Variants in DYRK1A observed in about 807,000 individuals in gnomAD.
DYRK1A encodes dual specificity tyrosine-phosphorylation-regulated kinase 1A.
Under a neutral mutation model 79.7 loss-of-function variants are expected in DYRK1A, and 9 were observed. That is an observed-to-expected ratio of 0.11 (90% CI 0.07 to 0.20). The LOEUF is 0.20. Ranked by LOEUF, DYRK1A falls within the 10% of genes least tolerant of loss-of-function variation. The pLI is 1.00. For missense variants in DYRK1A, 622 were observed against 956.0 expected (o/e 0.65, Z 4.61); for synonymous variants, 349 against 329.7 (o/e 1.06, Z -0.63).
At chr21:37,487,944 A>G (rs1450887448) in intron 6 of DYRK1A, 1 of 152,144 alleles carries the variant, frequency 6.6e-6, no homozygotes, top group Non-Finnish European at 1.5e-5. Context: ...CATCAAGGAC[A>G]TTCTAAGGAT....
chr21:37,474,242 A>T (rs1307483054), intron 3 of DYRK1A, among the ~76,000 whole-genome samples: 4 of 152,326 alleles, frequency 2.6e-5, no homozygotes, highest in South Asian at 2.1e-4. Flanking sequence ...TTTTATCATT[A>T]TATTATTTTA....
intron 1 of DYRK1A, among the ~76,000 whole-genome samples, chr21:37,370,287 A>G (rs1326053551): frequency 6.9e-6 from 1 of 145,890 alleles, no homozygotes; most frequent in Non-Finnish European, 1.5e-5. Flanking sequence ...TCACTTGAAA[A>G]CCTTTTTTTT....
At chr21:37,492,707 T>C (rs1476534292) in intron 7 of DYRK1A, among the ~76,000 whole-genome samples, 1 of 152,166 alleles carries the variant, frequency 6.6e-6, no homozygotes, top group African/African-American at 2.4e-5. Context: ...ATACATTGCT[T>C]TCAATAGTGT....
chr21:37,436,255 G>T (rs766684385), intron 2 of DYRK1A, among the ~76,000 whole-genome samples: 1 of 152,160 alleles, frequency 6.6e-6, no homozygotes, highest in Non-Finnish European at 1.5e-5. Context: ...AGAGTAATAA[G>T]AAGAAAGAGC....
intron 7 of DYRK1A, among the ~76,000 whole-genome samples, chr21:37,490,948 G>C (rs549668207): frequency 2.4e-4 from 37 of 152,194 alleles, no homozygotes; most frequent in African/African-American, 8.7e-4. Context: ...AATCTTTGCT[G>C]TAAAATACTT....
In DYRK1A at chr21:37,491,153, G is replaced by GT. The variant is rs751101236; in HGVS notation, c.924+699dup. On this transcript the variant is annotated intron_variant, in intron 7 of 11. Coordinates refer to ENST00000647188, the MANE Select transcript of DYRK1A (RefSeq NM_001347721.2). ...TAAATTCTGACACATATCCAAGCTG[G>GT]TTTTTTTCAGACTGCTAAAAACAGA... Among the ~76,000 whole-genome samples the GT allele has an allele frequency of 2.8e-4, 42 of 152,006 alleles. 1 individual carries two copies. The East Asian group carries it at 7.5e-3, about 27-fold the overall frequency.
intron 2 of DYRK1A, among the ~76,000 whole-genome samples, chr21:37,451,790 A>C (rs2051461966): frequency 2.0e-5 from 3 of 152,202 alleles, no homozygotes; most frequent in African/African-American, 7.2e-5. Context: ...GTGACAGGTA[A>C]GTGTTCTGAG....
chr21:37,410,653 C>T lies in DYRK1A; in HGVS notation c.-76-9646C>T, dbSNP rs55839411. The T allele has an allele frequency of 0.036, 5,547 of 152,328 alleles. 150 individuals are homozygous for T. Among genetic ancestry groups the T allele is most frequent in the Non-Finnish European group, 0.054 (3,678 of 68,066 alleles). The allele number at this position is 152,328 out of a possible 1,614,324, so 9.4% of individuals were successfully genotyped here. ...AGCAGTCTTCCCACCTCAGCCTCCC[C>T]AGTAGCTGGGATTACAGGTAAGTGC... On this transcript the variant is annotated intron_variant, in intron 1 of 11. Transcript: ENST00000647188.
chr21:37,458,873 A>G (rs1260317547), intron 2 of DYRK1A, among the ~76,000 whole-genome samples: 1 of 152,120 alleles, frequency 6.6e-6, no homozygotes, highest in Non-Finnish European at 1.5e-5. Context: ...TGCTCTCCTT[A>G]ACTATCCTAC....
At chr21:37,481,777 A>C (rs934040815) in intron 5 of DYRK1A, 3 of 152,198 alleles carry the variant, frequency 2.0e-5, no homozygotes, top group Non-Finnish European at 4.4e-5. Context: ...AATCTGAAGC[A>C]GAAGGATCAC....
At chr21:37,472,529 CTG>C (rs1284448990) in intron 2 of DYRK1A, among the ~76,000 whole-genome samples, 153 bp from the exon 3 acceptor site, 1 of 152,142 alleles carries the variant, frequency 6.6e-6, no homozygotes, top group Non-Finnish European at 1.5e-5. Flanking sequence ...AAAAACATAA[CTG>C]TTGTGTTGAG....
At chr21:37,506,065 C>A (rs756653134) in intron 10 of DYRK1A, 34 bp from the exon 11 acceptor site, 2 of 1,586,548 alleles carry the variant, frequency 1.3e-6, no homozygotes, top group Non-Finnish European at 1.7e-6. Context: ...ATTTTAAACT[C>A]ACAGTTGTAT....
chr21:37,510,541 G>T (rs759402097), intron 11 of DYRK1A, among the ~76,000 whole-genome samples: 25 of 152,180 alleles, frequency 1.6e-4, no homozygotes, highest in Non-Finnish European at 2.5e-4. Context: ...GGTAGAGAAA[G>T]ACTGTTTGTT....
chr21:37,405,957 A>G (rs2050139221), intron 1 of DYRK1A, among the ~76,000 whole-genome samples: 1 of 151,950 alleles, frequency 6.6e-6, no homozygotes, highest in Admixed American at 6.6e-5. Flanking sequence ...AATAGGCGTA[A>G]ATAAGTTCTC....
intron 4 of DYRK1A, 143 bp from the exon 5 acceptor site, chr21:37,480,494 TA>T: frequency 1.8e-6 from 1 of 567,716 alleles, no homozygotes; most frequent in Non-Finnish European, 2.9e-6. Context: ...TTTCACTGTA[TA>T]AATTTTTTCA....
At chr21:37,444,693 G>A (rs1435611777) in intron 2 of DYRK1A, among the ~76,000 whole-genome samples, 1 of 152,164 alleles carries the variant, frequency 6.6e-6, no homozygotes, top group East Asian at 1.9e-4. Context: ...ACCGTTAGTA[G>A]AAATGAGAAG....
At chr21:37,450,998 G>T (rs188783189) in intron 2 of DYRK1A, among the ~76,000 whole-genome samples, 49 of 152,246 alleles carry the variant, frequency 3.2e-4, no homozygotes, top group African/African-American at 9.9e-4. Flanking sequence ...GATGTCTTGC[G>T]ATCCTTACCC....
At chr21:37,447,870 T>G (rs2051322536) in intron 2 of DYRK1A, among the ~76,000 whole-genome samples, 1 of 152,172 alleles carries the variant, frequency 6.6e-6, no homozygotes, top group African/African-American at 2.4e-5. Context: ...AGAAAGCACT[T>G]GGTGTTTTCT....
rs190081410 is a variant in DYRK1A at position 37,519,467 on chromosome 21, A to G, written c.*6936A>G. ...AATGTCCGCAGAAAGCACAATGCCT[A>G]GTATGTAGAAAGTGTCCGATAAATA... On this transcript the variant is annotated 3_prime_UTR_variant, in exon 12 of 12. Transcript: ENST00000647188. 1.3e-5 allele frequency: 2 copies of G among 152,356 alleles called. No homozygotes were observed. Among genetic ancestry groups the G allele is most frequent in the Admixed American group, 1.3e-4 (2 of 15,302 alleles). 9.4% of individuals were successfully genotyped at this position (152,356 alleles called of 1,614,324 possible).
Sources: gnomAD v4.1 joint callset for allele counts (sites outside exome capture counted in the v4.1 genomes callset) on GRCh38, gnomAD v4.1.1 for gene constraint, MANE v1.5 for transcripts, NCBI Gene and HGNC (gene_info 2026-07-23, HGNC 2026-07-21) for gene names.